ARHGAP33: variants seen among roughly 807,000 people sequenced by gnomAD.
ARHGAP33 encodes the protein Rho GTPase activating protein 33.
Under a neutral mutation model 126.2 loss-of-function variants are expected in ARHGAP33, and 57 were observed. That is an observed-to-expected ratio of 0.45 (90% CI 0.36 to 0.56). ARHGAP33 has a LOEUF of 0.56. Ranked by LOEUF, ARHGAP33 falls within the 20% of genes least tolerant of loss-of-function variation. ARHGAP33 has a pLI of 0.00. For missense variants in ARHGAP33, 1,500 were observed against 1,748.3 expected (o/e 0.86, Z 2.53); for synonymous variants, 711 against 755.0 (o/e 0.94, Z 0.95).
chr19:35,778,371 C>T lies in ARHGAP33; in HGVS notation c.270+11C>T. The T allele has an allele frequency of 1.2e-6, 2 of 1,614,180 alleles. No homozygotes were observed. The highest frequency in any genetic ancestry group is 2.2e-5 in the South Asian group (2 of 91,086). On this transcript the variant is annotated intron_variant, in intron 4 of 20. Coordinates refer to ENST00000007510, the MANE Select transcript of ARHGAP33 (RefSeq NM_001366178.1). ...CAGGTGACCTGTCAGGTGAGGCCAT[C>T]CCGCCTCTCATCTAGCCTGAGAGAA...
In ARHGAP33 at chr19:35,785,433, T is replaced by C. The variant is rs1224468090; in HGVS notation, c.1892T>C (p.Leu631Pro). 6.2e-7 allele frequency: 1 copy of C among 1,613,978 alleles called. No homozygotes were observed. The highest frequency in any genetic ancestry group is 1.3e-5 in the African/African-American group (1 of 74,914). Residue 631 changes from leucine to proline, a missense_variant, in exon 19 of 21, where the codon CTG becomes CCG. Physicochemically the swap from Leu to Pro is moderately conservative, Grantham distance 98 (BLOSUM62 -3). Around this residue, in one of 6 missense-constraint regions of ARHGAP33, gnomAD observed 300 missense variants for 291.1 expected, o/e 1.03. Coordinates refer to ENST00000007510, the MANE Select transcript of ARHGAP33 (RefSeq NM_001366178.1). ...PSGSRPDTVT[L>P]RSAKSEESLS... ...GGCAGCAGACCCGACACCGTCACAC[T>C]GAGATCTGCCAAGAGCGAGGAGTCT...
chr19:35,784,617 A>ACC, intron 16 of ARHGAP33: 8 of 1,278,710 alleles, frequency 6.3e-6, no homozygotes, highest in Non-Finnish European at 6.9e-6. Context: ...CCCAGACTTG[A>ACC]CCCCGCCCCG....
chr19:35,786,955 G>A lies in ARHGAP33; in HGVS notation c.2485G>A (p.Gly829Ser), dbSNP rs201575965. The stretch of plus-strand genomic sequence containing the variant: ...CACCCCAACACCAGCTCTCAGCCCC[G>A]GCCGGAGCCTGCGCCCCCATCTCAT... ...SATPTPALSP[G>S]RSLRPHLIPL... The change falls in exon 20 of 21, where the codon GGC becomes AGC. Residue 829 changes from glycine (G) to serine (S), a missense_variant. Transcript: ENST00000007510. The surrounding 1 kb of genome is among the most constrained non-coding windows in gnomAD (Gnocchi z 7.0). 4.7e-5 allele frequency: 76 copies of A among 1,610,742 alleles called. No homozygotes were observed. The highest frequency in any genetic ancestry group is 2.2e-4 in the Admixed American group (13 of 59,898).
At position 35,780,469 on chromosome 19, in the gene ARHGAP33, A is replaced by C; in HGVS notation, c.673A>C (p.Ser225Arg). 1 of 1,603,740 alleles carries C rather than the reference A, an allele frequency of 6.2e-7. No homozygotes were observed. Among genetic ancestry groups the C allele is most frequent in the Non-Finnish European group, 8.5e-7 (1 of 1,173,274 alleles). ...CGACATGCCACCCACAGAGGATCGG[A>C]GCTGGTGGCGGGGCAAGCGAGGCTT... ...VIDMPPTEDRSWWRGKRGFQV... is the reference protein window; with the variant it reads ...VIDMPPTEDRRWWRGKRGFQV... The change falls in exon 8 of 21, where the codon AGC becomes CGC. Residue 225 changes from serine (S) to arginine (R), a missense_variant. By Grantham distance (110) the Ser-to-Arg change is moderately radical (BLOSUM62 -1). This residue lies in a region of ARHGAP33 where 281 missense variants were observed against 413.7 expected (regional missense o/e 0.68). Coordinates refer to ENST00000007510, the MANE Select transcript of ARHGAP33 (RefSeq NM_001366178.1).
At chr19:35,778,859 C>T (rs970458503) in intron 5 of ARHGAP33, among the ~76,000 whole-genome samples, 173 bp from the exon 6 acceptor site, 3 of 152,122 alleles carry the variant, frequency 2.0e-5, no homozygotes, top group African/African-American at 4.8e-5. Context: ...TACTCAAGAG[C>T]TTGGCCCAGC....
At chr19:35,784,071 G>A (rs1971954690) in intron 15 of ARHGAP33, 101 bp from the exon 16 acceptor site, 7 of 1,025,814 alleles carry the variant, frequency 6.8e-6, no homozygotes, top group Non-Finnish European at 1.0e-5. Flanking sequence ...CAGAGGTGTT[G>A]AATAGACAGT....
In ARHGAP33 at chr19:35,781,050, C is replaced by A; in HGVS notation, c.960C>A (p.His320Gln). The change falls in exon 11 of 21, where the codon CAC (histidine) becomes CAA (glutamine). Residue 320 changes from histidine (H) to glutamine (Q), a missense_variant. Physicochemically the swap from His to Gln is conservative, Grantham distance 24 (BLOSUM62 0). Coordinates refer to ENST00000007510, the MANE Select transcript of ARHGAP33 (RefSeq NM_001366178.1). ...TGTTTGGCTGCGATCTTGGCGAGCA[C>A]CTCAGCAACTCAGGCCAGGATGGTG... The part of the protein sequence containing the change: ...QRVFGCDLGE[H>Q]LSNSGQDVPQ... 6.2e-7 allele frequency: 1 copy of A among 1,612,536 alleles called. No homozygotes were observed. The highest frequency in any genetic ancestry group is 1.1e-5 in the South Asian group (1 of 91,084).
Position 35,786,377 on chromosome 19 carries a change from TTCTCAGGGATGG to T in ARHGAP33, c.1943-30_1943-19del. ...GCTTTCTGTGGGGCTGTGCGCCCTG[TTCTCAGGGATGG>T]TCTCACTGACCCCACCCCTCCAGGC... On this transcript the variant is annotated intron_variant, in intron 19 of 20. Coordinates refer to ENST00000007510, the MANE Select transcript of ARHGAP33 (RefSeq NM_001366178.1). This position sits in a 1 kb window ranked among gnomAD's most constrained non-coding sequence, Gnocchi z 7.0. 4 of 1,504,438 alleles carry T rather than the reference TTCTCAGGGATGG, an allele frequency of 2.7e-6. No homozygotes were observed. The highest frequency in any genetic ancestry group is 3.5e-6 in the Non-Finnish European group (4 of 1,129,846). The allele number at this position is 1,504,438 out of a possible 1,614,324, so 93.2% of individuals were successfully genotyped here.
rs1972153557 is a variant in ARHGAP33, at chr19:35,787,082, C to T, written c.2602+10C>T. On this transcript the variant is annotated intron_variant, in intron 20 of 20. Coordinates refer to ENST00000007510, the MANE Select transcript of ARHGAP33 (RefSeq NM_001366178.1). ...GCCCAGGGCCCACTCGGTGAGTCCT[C>T]AGCCTACCCCACCCCTGTCCCCGCC... 2 of 1,599,820 alleles carry T rather than the reference C, an allele frequency of 1.3e-6. No homozygotes were observed. Among genetic ancestry groups the T allele is most frequent in the African/African-American group, 1.3e-5 (1 of 74,598 alleles).
Position 35,784,308 on chromosome 19 carries a change from G to C in ARHGAP33, c.1558G>C (p.Asp520His), listed in dbSNP as rs955369156. 39 of 1,577,974 alleles carry C rather than the reference G, an allele frequency of 2.5e-5. No individual in the cohort carries two copies. Among genetic ancestry groups the C allele is most frequent in the Non-Finnish European group, 3.4e-5 (39 of 1,160,440 alleles). ...FSDTFTSAGL[D>H]PAGRCLLPRP... is the part of the protein sequence containing the mutation. The stretch of plus-strand genomic sequence containing the variant: ...CGACACCTTCACCTCCGCCGGCCTC[G>C]ACCCTGCAGGTATGCCCTCCCACCC... Residue 520 changes from aspartate to histidine, a missense_variant, in exon 16 of 21, where the codon GAC (aspartate) becomes CAC (histidine). Physicochemically the swap from Asp to His is moderately conservative, Grantham distance 81. Coordinates refer to ENST00000007510, the MANE Select transcript of ARHGAP33 (RefSeq NM_001366178.1).
intron 19 of ARHGAP33, chr19:35,785,862 TC>T: frequency 8.7e-7 from 1 of 1,155,850 alleles, no homozygotes; most frequent in Non-Finnish European, 1.1e-6. Context: ...GCCCTTGCTT[TC>T]CAGGTCTGAT....
chr19:35,777,521 C>T, intron 1 of ARHGAP33, 124 bp from the exon 2 acceptor site: 1 of 756,106 alleles, frequency 1.3e-6, no homozygotes, highest in South Asian at 1.6e-5. Flanking sequence ...ACCTGCCATC[C>T]TGCTTCATGC....
Position 35,781,084 on chromosome 19 carries a change from G to GGGGGCCC in ARHGAP33, c.982+12_982+13insGGGGCCC. 2.5e-6 allele frequency: 4 copies of GGGGGCCC among 1,607,584 alleles called. No individual in the cohort carries two copies. The highest frequency in any genetic ancestry group is 3.4e-6 in the Non-Finnish European group (4 of 1,176,504). On this transcript the variant is annotated intron_variant, in intron 11 of 20. Coordinates refer to ENST00000007510, the MANE Select transcript of ARHGAP33 (RefSeq NM_001366178.1). ...CTCAGGCCAGGATGGTGAGGCCGGG[G>GGGGGCCC]CCCACCCACCCCACCCGTCACACCA...
chr19:35,776,833 G>T lies in ARHGAP33; in HGVS notation c.7-812G>T, dbSNP rs559674263. The stretch of plus-strand genomic sequence containing the variant: ...GGTCAAGGCATGGAACCTGGGATGG[G>T]GGAACCTCAGGGGATGGAGAGAGTC... On this transcript the variant is annotated intron_variant, in intron 1 of 20. Coordinates refer to ENST00000007510, the MANE Select transcript of ARHGAP33 (RefSeq NM_001366178.1). 1.2e-4 allele frequency among the ~76,000 whole-genome samples: 18 copies of T among 152,326 alleles called. No homozygotes were observed. In the South Asian group the frequency reaches 3.1e-3, roughly 26 times the overall value.
At position 35,777,639 on chromosome 19, in the gene ARHGAP33, C is replaced by A; in HGVS notation, c.7-6C>A. On this transcript the variant is annotated splice_region_variant and splice_polypyrimidine_tract_variant and intron_variant, in intron 1 of 20. Coordinates refer to ENST00000007510, the MANE Select transcript of ARHGAP33 (RefSeq NM_001366178.1). ...CTGGGGGCCTCTGATTCTTTCTGCT[C>A]TACAGGCACGCAGCACTGACAGCCT... is the stretch of plus-strand genomic sequence containing the variant. The A allele has an allele frequency of 6.4e-7, 1 of 1,563,392 alleles. No individual in the cohort carries two copies. The highest frequency in any genetic ancestry group is 1.2e-5 in the South Asian group (1 of 85,486).
Position 35,786,913 on chromosome 19 carries a change from G to C in ARHGAP33, c.2443G>C (p.Gly815Arg), listed in dbSNP as rs1302150401. The change falls in exon 20 of 21, where the codon GGA becomes CGA. Residue 815 changes from glycine to arginine, a missense_variant. Gly to Arg is a moderately radical substitution (Grantham distance 125, BLOSUM62 -2). This residue lies in a region of ARHGAP33 where 642 missense variants were observed against 634.0 expected (regional missense o/e 1.01). Transcript: ENST00000007510. The surrounding 1 kb of genome is among the most constrained non-coding windows in gnomAD (Gnocchi z 7.0). Reference sequence around the variant, plus strand: ...TGTCCTAGAACTGCTGGGGGCTGGGGGAGCACCTGCCTCAGCCACCCCAAC... The same window carrying C: ...TGTCCTAGAACTGCTGGGGGCTGGGCGAGCACCTGCCTCAGCCACCCCAAC... Reference protein sequence around the residue: ...PAVLELLGAGGAPASATPTPA... With the variant: ...PAVLELLGAGRAPASATPTPA... The C allele has an allele frequency of 2.5e-6, 4 of 1,610,024 alleles. No individual in the cohort carries two copies. The South Asian group carries it at 4.4e-5, about 18-fold the overall frequency.
At chr19:35,780,675 G>A (rs1971709807) in intron 9 of ARHGAP33, 27 bp downstream of exon 9, 6 of 1,608,426 alleles carry the variant, frequency 3.7e-6, no homozygotes, top group Middle Eastern at 1.9e-4. Context: ...GATGGGAGGT[G>A]TGGGGAGGGG....
intron 19 of ARHGAP33, chr19:35,785,872 A>G: frequency 8.8e-7 from 1 of 1,137,200 alleles, no homozygotes; most frequent in Non-Finnish European, 1.1e-6. Context: ...TCCAGGTCTG[A>G]TCATACACAG....
chr19:35,777,509 C>G (rs1427762628), intron 1 of ARHGAP33, 136 bp from the exon 2 acceptor site: 2 of 710,404 alleles, frequency 2.8e-6, no homozygotes, highest in East Asian at 5.4e-5. Flanking sequence ...TCACCTCCCC[C>G]GACCTGCCAT....
Sources: allele counts gnomAD v4.1 joint callset (sites outside exome capture counted in the v4.1 genomes callset), GRCh38; gene constraint gnomAD v4.1.1; regional missense constraint gnomAD v4.1.1; non-coding constraint Gnocchi (gnomAD v3.1); transcripts MANE v1.5; gene names NCBI Gene and HGNC (gene_info 2026-07-23, HGNC 2026-07-21).